The following SEMA6D variants were observed in gnomAD, a reference collection of about 807,000 sequenced individuals.
SEMA6D encodes semaphorin-6D.
A neutral mutation model predicts 106.6 loss-of-function variants in SEMA6D; 35 were observed. The ratio of observed to expected loss-of-function variants is 0.33; its 90% confidence interval spans 0.25 to 0.44. The LOEUF (loss-of-function observed/expected upper bound fraction) is 0.44, where lower values mean the gene tolerates loss of function less well. Among genes scored for constraint, SEMA6D ranks in the 20% least tolerant of loss-of-function variants. SEMA6D has a pLI of 1.00. For synonymous variants in SEMA6D, 499 were observed against 487.7 expected, an observed-to-expected ratio of 1.02 and a Z score of -0.31; for missense variants, 1,185 against 1,345.9, an observed-to-expected ratio of 0.88 and a Z score of 1.87.
chr15:47,346,484 A>G (rs1006659244), intron 1 of SEMA6D, among the ~76,000 whole-genome samples: 1 of 152,156 alleles, frequency 6.6e-6, no homozygotes, highest in African/African-American at 2.4e-5. Context: ...TCCGGGCTGT[A>G]GCTGTGTTGT....
At chr15:47,581,673 G>A (rs4774499) in intron 3 of SEMA6D, among the ~76,000 whole-genome samples, 118,128 of 152,160 alleles carry the variant, frequency 0.78, 47,030 homozygotes, top group Middle Eastern at 0.88. Context: ...CAGAGCAAAG[G>A]ACAGGGGGTT....
At chr15:47,579,953 T>G (rs1235981312) in intron 3 of SEMA6D, among the ~76,000 whole-genome samples, 1 of 152,202 alleles carries the variant, frequency 6.6e-6, no homozygotes, top group Non-Finnish European at 1.5e-5. Flanking sequence ...ATCAGAAAAT[T>G]TAAAGGAAAG....
At chr15:47,308,621 A>G (rs1250807127) in intron 1 of SEMA6D, among the ~76,000 whole-genome samples, 11 of 152,314 alleles carry the variant, frequency 7.2e-5, no homozygotes, top group Admixed American at 1.3e-4. Context: ...AAATGGCCCA[A>G]TGCTCTTACA....
chr15:47,738,221 A>G (rs778132320), intron 1 of SEMA6D, among the ~76,000 whole-genome samples: 4 of 151,134 alleles, frequency 2.6e-5, no homozygotes, highest in Non-Finnish European at 4.4e-5. Context: ...TCAATGTTCA[A>G]CTCCCACTAA....
At chr15:47,619,409 G>A (rs2144140418) in intron 4 of SEMA6D, among the ~76,000 whole-genome samples, 1 of 152,336 alleles carries the variant, frequency 6.6e-6, no homozygotes, top group Non-Finnish European at 1.5e-5. Flanking sequence ...AGTCGCACTT[G>A]GCCAGTGGGC....
chr15:47,218,037 T>C (rs2030831568), intron 1 of SEMA6D, among the ~76,000 whole-genome samples: 1 of 152,190 alleles, frequency 6.6e-6, no homozygotes. Flanking sequence ...CTGACTTATT[T>C]AATTCAAAAT....
chr15:47,760,098 C>T (rs2081978850), intron 2 of SEMA6D, 191 bp downstream of exon 2: 1 of 636,336 alleles, frequency 1.6e-6, no homozygotes, highest in Non-Finnish European at 2.7e-6. Flanking sequence ...TGCTTTTCTA[C>T]AGCAACCTGT....
intron 3 of SEMA6D, among the ~76,000 whole-genome samples, chr15:47,539,485 C>T (rs896906583): frequency 1.1e-4 from 17 of 151,748 alleles, no homozygotes; most frequent in Non-Finnish European, 2.1e-4. Context: ...AGTGCAGTGG[C>T]GTGATCTCAG....
intron 1 of SEMA6D, among the ~76,000 whole-genome samples, chr15:47,196,883 G>A (rs535145856): frequency 6.6e-6 from 1 of 152,136 alleles, no homozygotes; most frequent in Non-Finnish European, 1.5e-5. Context: ...AAGATCTTAA[G>A]CTTGTCAGGT....
intron 3 of SEMA6D, among the ~76,000 whole-genome samples, chr15:47,491,331 C>A (rs761215245): frequency 6.6e-6 from 1 of 152,060 alleles, no homozygotes; most frequent in Admixed American, 6.6e-5. Context: ...AATGATAACA[C>A]ATAAACTAGT....
intron 1 of SEMA6D, among the ~76,000 whole-genome samples, chr15:47,366,924 C>CATTT (rs2039050021): frequency 1.3e-5 from 2 of 152,114 alleles, no homozygotes; most frequent in Non-Finnish European, 2.9e-5. Flanking sequence ...GCCAGGTGGG[C>CATTT]TCTAGTCAGA....
At chr15:47,287,860 G>GGCTCTGCA (rs1270911007) in intron 1 of SEMA6D, among the ~76,000 whole-genome samples, 1 of 152,124 alleles carries the variant, frequency 6.6e-6, no homozygotes, top group Admixed American at 6.6e-5. Flanking sequence ...ATTGGCTCAT[G>GGCTCTGCA]GCTCTGCATG....
chr15:47,275,704 C>G (rs1010462292), intron 1 of SEMA6D, among the ~76,000 whole-genome samples: 2 of 152,052 alleles, frequency 1.3e-5, no homozygotes, highest in Admixed American at 1.3e-4. Context: ...TGAGACAAAA[C>G]AATTTTGAAT....
At chr15:47,199,612 ACCTAACT>A (rs1248160874) in intron 1 of SEMA6D, among the ~76,000 whole-genome samples, 1 of 152,120 alleles carries the variant, frequency 6.6e-6, no homozygotes, top group Non-Finnish European at 1.5e-5. Context: ...CATTGTGAAA[ACCTAACT>A]ACAGAAGAGC....
rs547910290 is a variant in SEMA6D at position 47,231,190 on chromosome 15, C to T, written c.-239+46772C>T. ...TCTCTCTTTTATTTGGCTTGAATGT[C>T]GAGCTTAGCGGTTGAAATCCTTCAA... On this transcript the variant is annotated intron_variant, in intron 1 of 19. Transcript: ENST00000558014. Among the ~76,000 whole-genome samples, 35 of 151,892 alleles carry T rather than the reference C, an allele frequency of 2.3e-4. 1 individual carries two copies. The highest frequency in any genetic ancestry group is 1.3e-3 in the Admixed American group (20 of 15,188).
At chr15:47,523,194 AT>A (rs1006981357) in intron 3 of SEMA6D, among the ~76,000 whole-genome samples, 19 of 152,320 alleles carry the variant, frequency 1.2e-4, no homozygotes, top group African/African-American at 4.6e-4. Context: ...TCTGCCAGGC[AT>A]TGGGAAGGCT....
chr15:47,210,736 G>T (rs1471560984), intron 1 of SEMA6D, among the ~76,000 whole-genome samples: 1 of 131,382 alleles, frequency 7.6e-6, no homozygotes, highest in Non-Finnish European at 1.5e-5. Context: ...CTGCAGTCCA[G>T]CCTGGGCGAC....
At chr15:47,351,465 T>C (rs1292259159) in intron 1 of SEMA6D, among the ~76,000 whole-genome samples, 1 of 152,320 alleles carries the variant, frequency 6.6e-6, no homozygotes, top group East Asian at 1.9e-4. Flanking sequence ...ATGTATATTA[T>C]CTCATTTAAT....
At chr15:47,494,891 T>C (rs1380704344) in intron 3 of SEMA6D, among the ~76,000 whole-genome samples, 2 of 149,940 alleles carry the variant, frequency 1.3e-5, no homozygotes, top group African/African-American at 4.9e-5. Flanking sequence ...CTAGCATTTA[T>C]ATTTGCATTT....
Sources: gnomAD v4.1 joint callset for allele counts (sites outside exome capture counted in the v4.1 genomes callset) on GRCh38, gnomAD v4.1.1 for gene constraint, MANE v1.5 for transcripts, NCBI Gene and HGNC (gene_info 2026-07-23, HGNC 2026-07-21) for gene names.